Variants in CPEB1 observed in about 807,000 individuals in gnomAD.
The protein encoded by CPEB1 is cytoplasmic polyadenylation element binding protein 1.
CPEB1 carries 7 observed loss-of-function variants against 65.8 expected under a neutral mutation model. The ratio of observed to expected loss-of-function variants is 0.11; its 90% CI spans 0.06 to 0.20. The LOEUF (loss-of-function observed/expected upper bound fraction) is 0.20, where lower values mean the gene tolerates loss of function less well. CPEB1 is among the 10% of genes least tolerant of loss of function. The pLI, the probability that CPEB1 is intolerant of heterozygous loss-of-function variation, is 1.00. For synonymous variants in CPEB1, 262 were observed against 260.0 expected (o/e 1.01, Z -0.08); for missense variants, 551 against 712.2 (o/e 0.77, Z 2.58).
At chr15:82,581,023 T>G (rs1016105775) in intron 3 of CPEB1, among the ~76,000 whole-genome samples, 3 of 152,100 alleles carry the variant, frequency 2.0e-5, no homozygotes, top group African/African-American at 7.2e-5. Context: ...GCTAAATTTT[T>G]AGAGATGGAA....
intron 3 of CPEB1, among the ~76,000 whole-genome samples, chr15:82,618,601 TAAG>T (rs1175784035): frequency 3.9e-5 from 6 of 151,982 alleles, no homozygotes; most frequent in Non-Finnish European, 8.8e-5. Context: ...AATTTGCACA[TAAG>T]AAGGACTCAA....
chr15:82,634,355 A>C (rs1304733303), intron 1 of CPEB1, among the ~76,000 whole-genome samples: 1 of 152,184 alleles, frequency 6.6e-6, no homozygotes, highest in African/African-American at 2.4e-5. Context: ...GCCTTTAAAT[A>C]TCATACTCCC....
upstream of CPEB1, chr15:82,647,921 G>A (rs2047717673): frequency 8.2e-7 from 1 of 1,223,456 alleles, no homozygotes; most frequent in African/African-American, 1.6e-5. Context: ...CAGCCGGCGG[G>A]CGAGAGACGC....
At chr15:82,638,801 A>C (rs2046872052) in intron 1 of CPEB1, among the ~76,000 whole-genome samples, 1 of 152,210 alleles carries the variant, frequency 6.6e-6, no homozygotes, top group African/African-American at 2.4e-5. Context: ...AAGGGCTGAG[A>C]TGTAATGAAA....
chr15:82,599,378 A>C (rs940816541), intron 3 of CPEB1, among the ~76,000 whole-genome samples: 1 of 152,154 alleles, frequency 6.6e-6, no homozygotes, highest in Non-Finnish European at 1.5e-5. Flanking sequence ...ATTTTAAACT[A>C]TTTGAGTTCC....
intron 1 of CPEB1, among the ~76,000 whole-genome samples, chr15:82,638,190 C>T (rs2046824177): frequency 6.6e-6 from 1 of 152,118 alleles, no homozygotes; most frequent in South Asian, 2.1e-4. Context: ...TAATACTACA[C>T]CAAAATTCCC....
intron 3 of CPEB1, among the ~76,000 whole-genome samples, chr15:82,592,027 A>G (rs1306117355): frequency 6.6e-6 from 1 of 151,222 alleles, no homozygotes; most frequent in African/African-American, 2.4e-5. Context: ...TATTTTTTGT[A>G]GAGATAGGGT....
intron 3 of CPEB1, among the ~76,000 whole-genome samples, chr15:82,607,770 A>T (rs2043764172): frequency 3.3e-5 from 5 of 152,232 alleles, no homozygotes; most frequent in Admixed American, 3.3e-4. Context: ...GGGTTAATCT[A>T]TCAAAAAAAA....
At chr15:82,614,875 GTGTGTA>G (rs774058031) in intron 3 of CPEB1, among the ~76,000 whole-genome samples, 3,245 of 123,140 alleles carry the variant, frequency 0.026, 42 homozygotes, top group East Asian at 0.052. Context: ...GTGTGTGTGT[GTGTGTA>G]TATATATATA....
intron 3 of CPEB1, among the ~76,000 whole-genome samples, chr15:82,589,810 T>G (rs1170452901): frequency 6.6e-6 from 1 of 152,220 alleles, no homozygotes; most frequent in Non-Finnish European, 1.5e-5. Context: ...CAAAAGTATT[T>G]TTTAAAATGT....
chr15:82,610,915 G>A (rs1446628093), intron 3 of CPEB1, among the ~76,000 whole-genome samples: 7 of 113,540 alleles, frequency 6.2e-5, no homozygotes, highest in African/African-American at 3.4e-5. Flanking sequence ...CCAAGATCAC[G>A]CCACTGCACT....
At chr15:82,584,903 CT>C (rs3080692) in intron 3 of CPEB1, among the ~76,000 whole-genome samples, 14,251 of 81,610 alleles carry the variant, frequency 0.17, 1,260 homozygotes, top group Middle Eastern at 0.25. Flanking sequence ...TCCTAATTTG[CT>C]TTTTTTTTTT....
chr15:82,591,365 G>T (rs962595739), intron 3 of CPEB1, among the ~76,000 whole-genome samples: 1 of 152,142 alleles, frequency 6.6e-6, no homozygotes, highest in Non-Finnish European at 1.5e-5. Flanking sequence ...AGGTTCAAAT[G>T]ATTCTCATGC....
At chr15:82,592,633 C>T (rs1009694089) in intron 3 of CPEB1, among the ~76,000 whole-genome samples, 9 of 151,064 alleles carry the variant, frequency 6.0e-5, no homozygotes, top group Admixed American at 2.0e-4. Context: ...TGTGTAATAG[C>T]ATTGATGTCT....
chr15:82,599,140 AACTT>A lies in CPEB1; in HGVS notation c.272-27612_272-27609del, dbSNP rs377484072. Among the ~76,000 whole-genome samples, 370 of 152,296 alleles carry A rather than the reference AACTT, an allele frequency of 2.4e-3. 1 individual carries two copies. The highest frequency in any genetic ancestry group is 8.7e-3 in the African/African-American group (361 of 41,562). On this transcript the variant is annotated intron_variant, in intron 3 of 12. Transcript: ENST00000684509. ...ATTGGTAGAATGTTCACAAATGAAAAACTTAATAATGAGGTGGAAAGAAAAAGCA... is the reference window on the plus strand; with the variant it reads ...ATTGGTAGAATGTTCACAAATGAAAAAATAATGAGGTGGAAAGAAAAAGCA...
chr15:82,558,364 A>C (rs1235086913), intron 4 of CPEB1, among the ~76,000 whole-genome samples: 1 of 152,222 alleles, frequency 6.6e-6, no homozygotes, highest in Non-Finnish European at 1.5e-5. Context: ...ACCATACTTC[A>C]TCTTTACTGC....
chr15:82,588,254 T>C (rs2041957454), intron 3 of CPEB1, among the ~76,000 whole-genome samples: 1 of 152,082 alleles, frequency 6.6e-6, no homozygotes, highest in Admixed American at 6.6e-5. Context: ...GCCCAAAGGT[T>C]TTCTTAATGT....
chr15:82,646,186 C>A (rs2047501330), intron 1 of CPEB1, among the ~76,000 whole-genome samples: 1 of 152,192 alleles, frequency 6.6e-6, no homozygotes, highest in Non-Finnish European at 1.5e-5. Flanking sequence ...ACATGAGCCT[C>A]AGGGTGCAAA....
intron 3 of CPEB1, among the ~76,000 whole-genome samples, chr15:82,626,759 G>C (rs1321524765): frequency 1.3e-5 from 2 of 151,940 alleles, no homozygotes; most frequent in Non-Finnish European, 2.9e-5. Context: ...AATCCACACT[G>C]GATTTTGAAG....
Sources: gnomAD v4.1 joint callset for allele counts (sites outside exome capture counted in the v4.1 genomes callset) on GRCh38, gnomAD v4.1.1 for gene constraint, MANE v1.5 for transcripts, NCBI Gene and HGNC (gene_info 2026-07-23, HGNC 2026-07-21) for gene names.